The following DDX43 variants were observed in gnomAD, a reference collection of about 807,000 sequenced individuals.
The protein encoded by DDX43 is DEAD-box helicase 43.
In DDX43, 50 loss-of-function variants were observed where a neutral mutation model predicts 84.9. That is an observed-to-expected ratio of 0.59 (90% confidence interval 0.47 to 0.75). The LOEUF is 0.75. Ranked by LOEUF, DDX43 falls within the 30% of genes least tolerant of loss-of-function variation. The pLI is 0.00. For synonymous variants in DDX43, 291 were observed against 266.3 expected (o/e 1.09, Z -0.90); for missense variants, 689 against 798.6 (o/e 0.86, Z 1.65).
chr6:73,414,785 T>A (rs1769869906), intron 14 of DDX43, 99 bp downstream of exon 14: 2 of 1,147,682 alleles, frequency 1.7e-6, no homozygotes. Flanking sequence ...CTATTACCTA[T>A]AATTTTTCAG....
Position 73,400,372 on chromosome 6 carries a change from T to G in DDX43, c.436+9T>G. The G allele has an allele frequency of 6.3e-7, 1 of 1,598,870 alleles. No homozygotes were observed. Among genetic ancestry groups the G allele is most frequent in the South Asian group, 1.1e-5 (1 of 87,904 alleles). On this transcript the variant is annotated intron_variant, in intron 3 of 16. Coordinates refer to ENST00000370336, the MANE Select transcript of DDX43 (RefSeq NM_018665.3). The stretch of plus-strand genomic sequence containing the variant: ...TTCAGAATGCGGAATTGGTAAGTAA[T>G]TTTCTCCCACTGAACCCCTTTAAAA...
intron 5 of DDX43, 65 bp downstream of exon 5, chr6:73,404,836 C>T (rs1214984856): frequency 1.8e-5 from 22 of 1,217,738 alleles, no homozygotes; most frequent in South Asian, 1.5e-4. Flanking sequence ...ATTAACACTT[C>T]GGGCAAATGT....
At chr6:73,406,692 C>A (rs1006628377) in intron 7 of DDX43, among the ~76,000 whole-genome samples, 1 of 152,106 alleles carries the variant, frequency 6.6e-6, no homozygotes, top group East Asian at 1.9e-4. Flanking sequence ...CTACCAAAAG[C>A]CTTAGTAGTG....
In DDX43 at chr6:73,394,871, C is replaced by A; in HGVS notation, c.-35C>A. On this transcript the variant is annotated 5_prime_UTR_variant, in exon 1 of 17. Transcript: ENST00000370336. ...CACGGTCAGGTGGTGCAGAGCTGGA[C>A]GGCAACGACGTCGGACGCGCCCCTT... 6.2e-7 allele frequency: 1 copy of A among 1,607,334 alleles called. No individual in the cohort carries two copies. The highest frequency in any genetic ancestry group is 8.5e-7 in the Non-Finnish European group (1 of 1,176,482).
chr6:73,395,916 T>A (rs1769462100), intron 1 of DDX43, among the ~76,000 whole-genome samples: 1 of 152,058 alleles, frequency 6.6e-6, no homozygotes, highest in Non-Finnish European at 1.5e-5. Context: ...CTTTTCTTAC[T>A]ACATCTTGAG....
At chr6:73,401,801 CAAAAAAAAAAAAA>C (rs60478350) in intron 3 of DDX43, 45 bp from the exon 4 acceptor site, 1 of 1,086,862 alleles carries the variant, frequency 9.2e-7, no homozygotes, top group Admixed American at 3.8e-5. Context: ...GACTCCATCT[CAAAAAAAAAAAAA>C]AAAAAAAATA....
At chr6:73,412,668 T>TGTGTGTGTGTGTGTGTGTGTGTGCGC (rs538597626) in intron 11 of DDX43, among the ~76,000 whole-genome samples, 9 of 108,462 alleles carry the variant, frequency 8.3e-5, no homozygotes, top group South Asian at 3.2e-4. Context: ...TGTGTGTGTG[T>TGTGTGTGTGTGTGTGTGTGTGTGCGC]GCGCGCGCGC....
At chr6:73,402,944 TATTC>T (rs1471340401) in intron 4 of DDX43, among the ~76,000 whole-genome samples, 2 of 152,216 alleles carry the variant, frequency 1.3e-5, no homozygotes, top group Non-Finnish European at 1.5e-5. Context: ...AATGCTTCAT[TATTC>T]AAGCACTAGC....
At position 73,400,241 on chromosome 6, in the gene DDX43, A is replaced by C. The variant is rs768985390; in HGVS notation, c.314A>C (p.Gln105Pro). The C allele has an allele frequency of 6.2e-7, 1 of 1,601,204 alleles. No homozygotes were observed. The highest frequency in any genetic ancestry group is 8.5e-7 in the Non-Finnish European group (1 of 1,176,204). Residue 105 changes from glutamine (Q) to proline (P), a missense_variant, in exon 3 of 17, where the codon CAA (glutamine) becomes CCA (proline). This residue lies in a region of DDX43 where 552 missense variants were observed against 692.7 expected (regional missense o/e 0.80). Coordinates refer to ENST00000370336, the MANE Select transcript of DDX43 (RefSeq NM_018665.3). The part of the protein sequence containing the change: ...STTNTTIQII[Q>P]EQPESLVKIF... ...TTTTCCCCTTGTACCTAGATAATAC[A>C]AGAACAACCAGAATCATTAGTCAAA...
In DDX43 at chr6:73,413,655, T is replaced by C. The variant is rs776063269; in HGVS notation, c.1369-3T>C. 3 of 1,613,062 alleles carry C rather than the reference T, an allele frequency of 1.9e-6. No individual in the cohort carries two copies. The highest frequency in any genetic ancestry group is 1.7e-5 in the Admixed American group (1 of 59,848). On this transcript the variant is annotated splice_polypyrimidine_tract_variant and splice_region_variant and intron_variant, in intron 11 of 16. Coordinates refer to ENST00000370336, the MANE Select transcript of DDX43 (RefSeq NM_018665.3). ...GATGAACTATGTTCTTTGAATCCTTTAGGCTGTAAGTTCAGTGAAGCAAAA... is the reference window on the plus strand; with the variant it reads ...GATGAACTATGTTCTTTGAATCCTTCAGGCTGTAAGTTCAGTGAAGCAAAA...
intron 10 of DDX43, among the ~76,000 whole-genome samples, chr6:73,411,095 G>C (rs1461381785): frequency 7.0e-6 from 1 of 142,648 alleles, no homozygotes; most frequent in Non-Finnish European, 1.5e-5. Context: ...AGAATGGCGT[G>C]AACCTGGGAG....
intron 11 of DDX43, 157 bp from the exon 12 acceptor site, chr6:73,413,501 G>A: frequency 3.4e-6 from 2 of 586,532 alleles, no homozygotes; most frequent in South Asian, 2.9e-5. Context: ...CAAATCTTGA[G>A]TAGAAACAGG....
Position 73,401,971 on chromosome 6 carries a change from G to C in DDX43, c.549G>C (p.Trp183Cys). ...AAATTAGAGAGGAAGGTTTGAAATG[G>C]CAAAAAACAAAGTGGGCAGGTCAGT... The part of the protein sequence containing the change: ...WDQIREEGLK[W>C]QKTKWADLPP... The change falls in exon 4 of 17, where the codon TGG becomes TGC. Residue 183 changes from tryptophan to cysteine, a missense_variant. Trp to Cys is a radical substitution (Grantham distance 215). Coordinates refer to ENST00000370336, the MANE Select transcript of DDX43 (RefSeq NM_018665.3). The C allele has an allele frequency of 6.2e-7, 1 of 1,613,904 alleles. No homozygotes were observed. The highest frequency in any genetic ancestry group is 1.3e-5 in the African/African-American group (1 of 75,012).
Position 73,416,220 on chromosome 6 carries a change from T to C in DDX43, c.1941T>C (p.Phe647=). The C allele has an allele frequency of 6.5e-7, 1 of 1,541,566 alleles. No homozygotes were observed. Among genetic ancestry groups the C allele is most frequent in the South Asian group, 1.1e-5 (1 of 89,292 alleles). ...MERPQGRPKK[F]H is the part of the protein sequence containing the mutation. ...GACCTCAAGGAAGGCCCAAGAAGTT[T>C]CATTAATGTCTTCTGTACTAGTGGG... Residue 647 remains phenylalanine, a synonymous_variant, in exon 16 of 17, where the codon TTT becomes TTC. Transcript: ENST00000370336.
rs146379055 is a variant in DDX43, at chr6:73,413,694, A to G, written c.1405A>G (p.Thr469Ala). ...SSVKQNIIVT[T>A]EEEKWSHMQT... is the part of the protein sequence containing the mutation. ...AGTGAAGCAAAATATAATTGTAACC[A>G]CCGAGGAAGAGAAATGGAGTCACAT... The change falls in exon 12 of 17, where the codon ACC (threonine) becomes GCC (alanine). Residue 469 changes from threonine (T) to alanine (A), a missense_variant. Physicochemically the swap from Thr to Ala is moderately conservative, Grantham distance 58 (BLOSUM62 0). Coordinates refer to ENST00000370336, the MANE Select transcript of DDX43 (RefSeq NM_018665.3). 2.5e-4 allele frequency: 410 copies of G among 1,613,728 alleles called. 3 individuals carry two copies. Among genetic ancestry groups the G allele is most frequent in the Non-Finnish European group, 2.9e-4 (343 of 1,179,848 alleles).
At chr6:73,395,587 C>T (rs1769451849) in intron 1 of DDX43, among the ~76,000 whole-genome samples, 1 of 151,130 alleles carries the variant, frequency 6.6e-6, no homozygotes. Flanking sequence ...GCACTCCAGC[C>T]TAGGTGACAG....
Position 73,408,118 on chromosome 6 carries a change from G to A in DDX43, c.1179+17G>A, listed in dbSNP as rs756575224. On this transcript the variant is annotated intron_variant, in intron 9 of 16. Coordinates refer to ENST00000370336, the MANE Select transcript of DDX43 (RefSeq NM_018665.3). The stretch of plus-strand genomic sequence containing the variant: ...ACCTACTTGGTAATCATGGAAATAG[G>A]GGTTTGAGATGCTGGGTTCAAAAAT... 1.9e-6 allele frequency: 3 copies of A among 1,611,858 alleles called. No individual in the cohort carries two copies. Among genetic ancestry groups the A allele is most frequent in the Admixed American group, 1.7e-5 (1 of 59,706 alleles).
At chr6:73,397,647 A>G in intron 1 of DDX43, 42 bp from the exon 2 acceptor site, 1 of 1,518,916 alleles carries the variant, frequency 6.6e-7, no homozygotes, top group South Asian at 1.1e-5. Context: ...CAACTTACTA[A>G]TTTCAACTTA....
chr6:73,413,854 T>C, intron 12 of DDX43, 69 bp downstream of exon 12: 1 of 1,542,476 alleles, frequency 6.5e-7, no homozygotes, highest in East Asian at 2.3e-5. Flanking sequence ...ATTTGTATAC[T>C]AATTCCAAAT....
Sources: allele counts gnomAD v4.1 joint callset (sites outside exome capture counted in the v4.1 genomes callset), GRCh38; gene constraint gnomAD v4.1.1; regional missense constraint gnomAD v4.1.1; transcripts MANE v1.5; gene names NCBI Gene and HGNC (gene_info 2026-07-23, HGNC 2026-07-21).